GLUD1: variants seen among roughly 807,000 people sequenced by gnomAD.
GLUD1 encodes the protein glutamate dehydrogenase 1, mitochondrial.
A neutral mutation model predicts 56.0 loss-of-function variants in GLUD1; 22 were observed. That is an observed-to-expected ratio of 0.39 (90% CI 0.28 to 0.56). GLUD1 has a LOEUF of 0.56. GLUD1 is among the 20% of genes least tolerant of loss of function. The pLI is 0.58. For missense variants in GLUD1, 451 were observed against 732.0 expected (o/e 0.62, Z 4.43); for synonymous variants, 223 against 269.9 (o/e 0.83, Z 1.70).
At chr10:87,056,351 G>A (rs1471781903) in intron 11 of GLUD1, among the ~76,000 whole-genome samples, 4 of 148,232 alleles carry the variant, frequency 2.7e-5, no homozygotes, top group African/African-American at 1.0e-4. Flanking sequence ...GGAGTGCAGC[G>A]GTGCATTTCT....
rs778576467 is a variant in GLUD1 at position 87,094,293 on chromosome 10, G to A, written c.445+32C>T. On this transcript the variant is annotated intron_variant, in intron 1 of 12. Coordinates refer to ENST00000277865, the MANE Select transcript of GLUD1 (RefSeq NM_005271.5). The surrounding 1 kb of genome is among the most constrained non-coding windows in gnomAD (Gnocchi z 6.6). ...GAGGGGAGGGCCGCAGGGGAGGCAG[G>A]GAGGGCGGGACGGGGCCCGGCCGAC... is the stretch of plus-strand genomic sequence containing the variant. The A allele has an allele frequency of 5.7e-6, 9 of 1,573,752 alleles. No individual in the cohort carries two copies. In the African/African-American group the frequency reaches 1.2e-4, roughly 21 times the overall value.
At chr10:87,068,006 T>G in intron 5 of GLUD1, 57 bp downstream of exon 5, 2 of 990,872 alleles carry the variant, frequency 2.0e-6, no homozygotes, top group South Asian at 1.3e-5. Flanking sequence ...TCAGTCAAAC[T>G]GTTAATTCTT....
chr10:87,093,838 C>T, intron 1 of GLUD1: 1 of 1,028,992 alleles, frequency 9.7e-7, no homozygotes, highest in Non-Finnish European at 1.3e-6. Flanking sequence ...GAAGCCAAGT[C>T]ATTTTCTATG....
intron 4 of GLUD1, among the ~76,000 whole-genome samples, chr10:87,070,147 T>C (rs528130272): frequency 1.3e-5 from 2 of 152,294 alleles, no homozygotes; most frequent in South Asian, 4.1e-4. Context: ...AATAAGCTTG[T>C]TACCTCAAAC....
chr10:87,070,709 A>C (rs1477060423), intron 4 of GLUD1, among the ~76,000 whole-genome samples: 1 of 152,112 alleles, frequency 6.6e-6, no homozygotes, highest in Non-Finnish European at 1.5e-5. Flanking sequence ...TCCTTCTCAA[A>C]AACAGTCTAT....
chr10:87,055,889 G>A (rs920215124), intron 11 of GLUD1, among the ~76,000 whole-genome samples: 1 of 152,016 alleles, frequency 6.6e-6, no homozygotes, highest in Non-Finnish European at 1.5e-5. Context: ...GCCGAGGCGG[G>A]TGGATCACGA....
At chr10:87,087,388 C>A (rs2133854577) in intron 1 of GLUD1, among the ~76,000 whole-genome samples, 1 of 152,288 alleles carries the variant, frequency 6.6e-6, no homozygotes, top group Non-Finnish European at 1.5e-5. Flanking sequence ...GAGGGCATGA[C>A]TGATTGCTGA....
At chr10:87,081,483 T>C (rs1266526294) in intron 1 of GLUD1, among the ~76,000 whole-genome samples, 2 of 152,084 alleles carry the variant, frequency 1.3e-5, no homozygotes, top group South Asian at 2.1e-4. Context: ...ATGATGACAA[T>C]GGTGGTTTTG....
intron 6 of GLUD1, among the ~76,000 whole-genome samples, chr10:87,061,965 GCGGAGAC>G (rs1201826145): frequency 6.6e-6 from 1 of 152,158 alleles, no homozygotes; most frequent in African/African-American, 2.4e-5. Context: ...CCTATTTTTA[GCGGAGAC>G]CGGGTTTCAC....
intron 1 of GLUD1, among the ~76,000 whole-genome samples, chr10:87,088,149 G>A (rs1315529596): frequency 6.7e-6 from 1 of 149,126 alleles, no homozygotes; most frequent in Non-Finnish European, 1.5e-5. Context: ...AACTCCTACT[G>A]CAACAACACA....
intron 4 of GLUD1, among the ~76,000 whole-genome samples, chr10:87,071,174 T>C (rs1432053781): frequency 6.6e-6 from 1 of 151,840 alleles, no homozygotes; most frequent in African/African-American, 2.4e-5. Flanking sequence ...GAATAACAGA[T>C]ATATTCTTTT....
chr10:87,078,502 G>A (rs1015590192), intron 1 of GLUD1, among the ~76,000 whole-genome samples: 91 of 152,138 alleles, frequency 6.0e-4, no homozygotes, highest in African/African-American at 6.3e-4. Flanking sequence ...TTAGCACCAC[G>A]AGGGCAGACT....
rs190116630 is a variant in GLUD1, at chr10:87,090,007, G to A, written c.445+4318C>T. Among the ~76,000 whole-genome samples the A allele has an allele frequency of 4.4e-3, 672 of 152,274 alleles. 11 individuals are homozygous for A. Among genetic ancestry groups the A allele is most frequent in the African/African-American group, 0.016 (650 of 41,572 alleles). On this transcript the variant is annotated intron_variant, in intron 1 of 12. Transcript: ENST00000277865. ...ATTTATGGGCTATTTATGAATCAAT[G>A]TGCTCTAAAGTGATACTAGAGATTT...
rs770422052 is a variant in GLUD1 at position 87,094,292 on chromosome 10, G to A, written c.445+33C>T. On this transcript the variant is annotated intron_variant, in intron 1 of 12. Coordinates refer to ENST00000277865, the MANE Select transcript of GLUD1 (RefSeq NM_005271.5). The surrounding 1 kb of genome is among the most constrained non-coding windows in gnomAD (Gnocchi z 6.6). ...GGAGGGGAGGGCCGCAGGGGAGGCAGGGAGGGCGGGACGGGGCCCGGCCGA... is the reference window on the plus strand; with the variant it reads ...GGAGGGGAGGGCCGCAGGGGAGGCAAGGAGGGCGGGACGGGGCCCGGCCGA... 3 of 1,572,564 alleles carry A rather than the reference G, an allele frequency of 1.9e-6. No homozygotes were observed. Among genetic ancestry groups the A allele is most frequent in the East Asian group, 2.4e-5 (1 of 42,522 alleles).
intron 1 of GLUD1, among the ~76,000 whole-genome samples, chr10:87,086,899 T>C (rs1841397814): frequency 6.6e-6 from 1 of 150,772 alleles, no homozygotes; most frequent in African/African-American, 2.4e-5. Context: ...AATGTGTGGG[T>C]TTTCCACACT....
At chr10:87,060,112 T>C (rs776499948) in intron 9 of GLUD1, 49 bp downstream of exon 9, 1 of 1,151,150 alleles carries the variant, frequency 8.7e-7, no homozygotes, top group Non-Finnish European at 1.3e-6. Context: ...TGCAAAAGAC[T>C]ATTATGATTC....
At chr10:87,075,927 C>T (rs771713208) in intron 3 of GLUD1, 41 bp downstream of exon 3, 35 of 1,338,186 alleles carry the variant, frequency 2.6e-5, no homozygotes, top group Non-Finnish European at 3.5e-5. Flanking sequence ...AAAACAAAAA[C>T]AACAACAACA....
At chr10:87,064,136 A>G (rs550882544) in intron 5 of GLUD1, among the ~76,000 whole-genome samples, 1 of 152,126 alleles carries the variant, frequency 6.6e-6, no homozygotes, top group Admixed American at 6.5e-5. Flanking sequence ...GATGGTCTCG[A>G]TCTCCTGACC....
chr10:87,084,061 A>G (rs958728263), intron 1 of GLUD1, among the ~76,000 whole-genome samples: 1 of 152,194 alleles, frequency 6.6e-6, no homozygotes, highest in Non-Finnish European at 1.5e-5. Flanking sequence ...AATCAAGGCC[A>G]CCCTGCTGAC....
Sources: gnomAD v4.1 joint callset for allele counts (sites outside exome capture counted in the v4.1 genomes callset) on GRCh38, gnomAD v4.1.1 for gene constraint, Gnocchi (gnomAD v3.1) non-coding constraint, MANE v1.5 for transcripts, NCBI Gene and HGNC (gene_info 2026-07-23, HGNC 2026-07-21) for gene names.